GPR83: variants seen among roughly 807,000 people sequenced by gnomAD.
GPR83 encodes the protein G-protein coupled receptor 72.
Under a neutral mutation model 28.0 loss-of-function variants are expected in GPR83, and 23 were observed. That is an observed-to-expected ratio of 0.82 (90% confidence interval 0.59 to 1.16). GPR83 has a LOEUF of 1.16. GPR83 is among the 50% of genes most tolerant of loss of function. The pLI, the probability that GPR83 is intolerant of heterozygous loss-of-function variation, is 0.00. For missense variants in GPR83, 610 were observed against 536.6 expected, an observed-to-expected ratio of 1.14 and a Z score of -1.35; for synonymous variants, 234 against 215.4, an observed-to-expected ratio of 1.09 and a Z score of -0.76.
At chr11:94,387,300 T>C (rs1426459944) in intron 3 of GPR83, among the ~76,000 whole-genome samples, 5 of 152,142 alleles carry the variant, frequency 3.3e-5, no homozygotes, top group African/African-American at 1.2e-4. Flanking sequence ...ATTCAAAAGC[T>C]AGCAGAAGGC....
chr11:94,398,134 G>C (rs1591609117), intron 1 of GPR83, among the ~76,000 whole-genome samples: 1 of 152,074 alleles, frequency 6.6e-6, no homozygotes, highest in East Asian at 1.9e-4. Context: ...CTCTCCCTTG[G>C]ACTATTATAG....
Position 94,401,419 on chromosome 11 carries a change from C to A in GPR83, c.-172G>T. 1.9e-6 allele frequency: 1 copy of A among 540,532 alleles called. No homozygotes were observed. 33.5% of individuals were successfully genotyped at this position (540,532 alleles called of 1,614,324 possible). On this transcript the variant is annotated 5_prime_UTR_variant, in exon 1 of 4. Transcript: ENST00000243673. ...GCCCGCCACCAGCCCGCGGTCGGCACGCCAGCTCCGGGTTTGTTGGAGCAC... is the reference window on the plus strand; with the variant it reads ...GCCCGCCACCAGCCCGCGGTCGGCAAGCCAGCTCCGGGTTTGTTGGAGCAC...
chr11:94,381,507 T>C (rs2096762), intron 3 of GPR83, among the ~76,000 whole-genome samples: 79,792 of 151,452 alleles, frequency 0.53, 21,624 homozygotes, highest in East Asian at 0.64. Context: ...AGTTGAAATC[T>C]GCCTTCCGAG....
rs1944652636 is a variant in GPR83 at position 94,379,051 on chromosome 11, C to T, written c.*1098G>A. ...GAAAGGTACCCCTGTTTCTGTTAATCATTACAATCTAAATGAAAAAGTATA... is the reference window on the plus strand; with the variant it reads ...GAAAGGTACCCCTGTTTCTGTTAATTATTACAATCTAAATGAAAAAGTATA... On this transcript the variant is annotated 3_prime_UTR_variant, in exon 4 of 4. Coordinates refer to ENST00000243673, the MANE Select transcript of GPR83 (RefSeq NM_016540.4). The T allele has an allele frequency of 6.6e-6, 1 of 152,002 alleles. No individual in the cohort carries two copies. The highest frequency in any genetic ancestry group is 1.5e-5 in the Non-Finnish European group (1 of 68,022). 9.4% of individuals were successfully genotyped at this position (152,002 alleles called of 1,614,324 possible).
chr11:94,387,625 C>G (rs1030202594), intron 3 of GPR83, among the ~76,000 whole-genome samples: 9 of 152,050 alleles, frequency 5.9e-5, no homozygotes, highest in African/African-American at 2.2e-4. Flanking sequence ...AAGACTAAAC[C>G]AGGAAGAAGT....
chr11:94,388,956 G>C (rs1318498921), intron 3 of GPR83, among the ~76,000 whole-genome samples: 1 of 152,166 alleles, frequency 6.6e-6, no homozygotes, highest in East Asian at 1.9e-4. Context: ...AAACAGCATG[G>C]TACTGGTACC....
intron 3 of GPR83, among the ~76,000 whole-genome samples, chr11:94,389,927 C>T (rs1263713979): frequency 6.6e-6 from 1 of 152,118 alleles, no homozygotes; most frequent in African/African-American, 2.4e-5. Flanking sequence ...ACCCAAATGT[C>T]CAACAATGAT....
chr11:94,394,675 C>G (rs193279196), intron 2 of GPR83, among the ~76,000 whole-genome samples: 44 of 152,154 alleles, frequency 2.9e-4, no homozygotes, highest in African/African-American at 9.4e-4. Flanking sequence ...TGGGAGGAAG[C>G]AATGAGGCTT....
rs1287721999 is a variant in GPR83, at chr11:94,380,408, G to A, written c.1013C>T (p.Thr338Ile). ...GCAGTATATGAAGGGGTTATAGCAG[G>A]TGCTGCTCATGGCAAACCAGTGGAA... ...FAFHWFAMSSTCYNPFIYCWL... is the reference protein window; with the variant it reads ...FAFHWFAMSSICYNPFIYCWL... Residue 338 changes from threonine (T) to isoleucine (I), a missense_variant, in exon 4 of 4, where the codon ACC becomes ATC. Transcript: ENST00000243673. 3 of 1,614,210 alleles carry A rather than the reference G, an allele frequency of 1.9e-6. No individual in the cohort carries two copies. Among genetic ancestry groups the A allele is most frequent in the Admixed American group, 1.7e-5 (1 of 60,024 alleles).
chr11:94,394,313 CA>C (rs1944845608), intron 2 of GPR83, among the ~76,000 whole-genome samples: 1 of 152,166 alleles, frequency 6.6e-6, no homozygotes, highest in Admixed American at 6.5e-5. Flanking sequence ...TGGGAACTCC[CA>C]ACATGTTTAT....
chr11:94,401,359 G>C lies in GPR83; in HGVS notation c.-112C>G. 1 of 1,034,096 alleles carries C rather than the reference G, an allele frequency of 9.7e-7. No homozygotes were observed. Among genetic ancestry groups the C allele is most frequent in the South Asian group, 2.0e-5 (1 of 50,874 alleles). 64.1% of individuals were successfully genotyped at this position (1,034,096 alleles called of 1,614,324 possible). A position where few individuals can be genotyped will look rare whatever the true frequency, so the allele number is the denominator to read the frequency against. On this transcript the variant is annotated 5_prime_UTR_variant, in exon 1 of 4. Coordinates refer to ENST00000243673, the MANE Select transcript of GPR83 (RefSeq NM_016540.4). ...GCACAGCATACAAGGCCGTCCCGAGGAGCCAGGGAGCCCGGACGCGCGGAG... is the reference window on the plus strand; with the variant it reads ...GCACAGCATACAAGGCCGTCCCGAGCAGCCAGGGAGCCCGGACGCGCGGAG...
In GPR83 at chr11:94,380,452, G is replaced by A; in HGVS notation, c.969C>T (p.Asn323=). 1.2e-6 allele frequency: 2 copies of A among 1,614,168 alleles called. No homozygotes were observed. The highest frequency in any genetic ancestry group is 8.5e-7 in the Non-Finnish European group (1 of 1,179,972). ...AGTGGAAGGCAAAGTAGAGGGCATT[G>A]TTGGTGCGGATGACCTTGCTGGACA... ...LLLSSKVIRT[N]NALYFAFHWF... is the part of the protein sequence containing the mutation. The change falls in exon 4 of 4, where the codon AAC becomes AAT. Residue 323 remains asparagine (N), a synonymous_variant. Transcript: ENST00000243673.
rs562205754 is a variant in GPR83 at position 94,379,952 on chromosome 11, CAT to C, written c.*195_*196del. The C allele has an allele frequency of 9.5e-6, 4 of 422,948 alleles. No homozygotes were observed. The highest frequency in any genetic ancestry group is 1.7e-5 in the Non-Finnish European group (4 of 239,468). 26.2% of individuals were successfully genotyped at this position (422,948 alleles called of 1,614,324 possible). ...TTTCTTAGATGGGAATTTATGAACA[CAT>C]GTCTAGTTGGTGGTGCCTTTTAGTT... On this transcript the variant is annotated 3_prime_UTR_variant, in exon 4 of 4. Coordinates refer to ENST00000243673, the MANE Select transcript of GPR83 (RefSeq NM_016540.4).
At position 94,380,678 on chromosome 11, in the gene GPR83, T is replaced by TAGAGCAGGATGA. The variant is rs1200024317; in HGVS notation, c.731_742dup (p.Phe244_Leu247dup). 6.2e-7 allele frequency: 1 copy of TAGAGCAGGATGA among 1,613,350 alleles called. No homozygotes were observed. The highest frequency in any genetic ancestry group is 8.5e-7 in the Non-Finnish European group (1 of 1,179,896). ...AGAGATGATGAGGAGGGGCAGGATG[T>TAGAGCAGGATGA]AGAGCAGGATGAAGGTGGCCAAGTC... On this transcript the variant is annotated inframe_insertion, in exon 4 of 4. Coordinates refer to ENST00000243673, the MANE Select transcript of GPR83 (RefSeq NM_016540.4).
Position 94,379,154 on chromosome 11 carries a change from G to C in GPR83, c.*995C>G, listed in dbSNP as rs967027752. 1 of 152,112 alleles carries C rather than the reference G, an allele frequency of 6.6e-6. No homozygotes were observed. The highest frequency in any genetic ancestry group is 1.5e-5 in the Non-Finnish European group (1 of 68,106). 9.4% of individuals were successfully genotyped at this position (152,112 alleles called of 1,614,324 possible). ...TGGGAGGCCTAGGCAGGTGGATCAC[G>C]AGGTCAGGAGATCGAGACCATCCTG... On this transcript the variant is annotated 3_prime_UTR_variant, in exon 4 of 4. Transcript: ENST00000243673.
At chr11:94,380,809 C>T (rs201593357) in intron 3 of GPR83, 36 bp from the exon 4 acceptor site, 2 of 1,564,226 alleles carry the variant, frequency 1.3e-6, no homozygotes, top group Non-Finnish European at 1.7e-6. Context: ...AGAGAGGTAA[C>T]AGAAAGGAGA....
At chr11:94,400,104 A>C (rs911888328) in intron 1 of GPR83, among the ~76,000 whole-genome samples, 1 of 152,244 alleles carries the variant, frequency 6.6e-6, no homozygotes, top group African/African-American at 2.4e-5. Context: ...ATTAACAATT[A>C]GCAATTGTTT....
In GPR83 at chr11:94,401,237, T is replaced by A; in HGVS notation, c.11A>T (p.His4Leu). The A allele has an allele frequency of 6.2e-7, 1 of 1,600,036 alleles. No homozygotes were observed. Among genetic ancestry groups the A allele is most frequent in the Non-Finnish European group, 8.5e-7 (1 of 1,173,006 alleles). Residue 4 changes from histidine to leucine, a missense_variant, in exon 1 of 4, where the codon CAC becomes CTC. His to Leu is a moderately conservative substitution (Grantham distance 99). Coordinates refer to ENST00000243673, the MANE Select transcript of GPR83 (RefSeq NM_016540.4). ...GGGGAGGAGACAGAGCAGCAAGAGG[T>A]GAGGGACCATTTTGCAGGAGCCACC... is the stretch of plus-strand genomic sequence containing the variant. MVP[H>L]LLLLCLLPLV...
At chr11:94,398,599 C>A (rs1178203443) in intron 1 of GPR83, among the ~76,000 whole-genome samples, 1 of 152,150 alleles carries the variant, frequency 6.6e-6, no homozygotes, top group Non-Finnish European at 1.5e-5. Context: ...CCTCTACGTT[C>A]TCTGTGCATC....
Sources: gnomAD v4.1 joint callset for allele counts (sites outside exome capture counted in the v4.1 genomes callset) on GRCh38, gnomAD v4.1.1 for gene constraint, MANE v1.5 for transcripts, NCBI Gene and HGNC (gene_info 2026-07-23, HGNC 2026-07-21) for gene names.